The following RNF150 variants were observed in gnomAD, a reference collection of about 807,000 sequenced individuals.
RNF150 encodes the protein ring finger protein 150.
RNF150 carries 24 observed loss-of-function variants against 39.3 expected under a neutral mutation model. The ratio of observed to expected loss-of-function variants is 0.61; its 90% confidence interval spans 0.44 to 0.86. The LOEUF (loss-of-function observed/expected upper bound fraction) is 0.86, where lower values mean the gene tolerates loss of function less well. RNF150 is among the 40% of genes least tolerant of loss of function. The pLI is 0.00. For synonymous variants in RNF150, 255 were observed against 227.3 expected, an observed-to-expected ratio of 1.12 and a Z score of -1.10; for missense variants, 502 against 587.8, an observed-to-expected ratio of 0.85 and a Z score of 1.51.
chr4:141,181,312 C>A (rs1727905001), intron 1 of RNF150, among the ~76,000 whole-genome samples: 1 of 152,080 alleles, frequency 6.6e-6, no homozygotes, highest in Non-Finnish European at 1.5e-5. Context: ...ATAAAGTTAC[C>A]TAATATGTTA....
In RNF150 at chr4:140,985,662, T is replaced by C. The variant is rs1733993999; in HGVS notation, c.485-17789A>G. ...ATGTGCTGAAGTGTAAAATATATAC[T>C]GGAATTTGAAGACCTAGTATAAAAA... On this transcript the variant is annotated intron_variant, in intron 1 of 6. Coordinates refer to ENST00000515673, the MANE Select transcript of RNF150 (RefSeq NM_020724.2). Among the ~76,000 whole-genome samples, 3 of 152,120 alleles carry C rather than the reference T, an allele frequency of 2.0e-5. No homozygotes were observed. In the South Asian group the frequency reaches 6.2e-4, roughly 31 times the overall value.
At chr4:140,880,699 T>C (rs1416063689) in intron 6 of RNF150, among the ~76,000 whole-genome samples, 1 of 152,072 alleles carries the variant, frequency 6.6e-6, no homozygotes, top group East Asian at 1.9e-4. Flanking sequence ...TTATTACTGG[T>C]TCAATCACCT....
chr4:140,994,254 G>T (rs1257782574), intron 1 of RNF150, among the ~76,000 whole-genome samples: 11 of 152,174 alleles, frequency 7.2e-5, no homozygotes, highest in Non-Finnish European at 1.5e-4. Flanking sequence ...AGAGGGTAAA[G>T]TGTAGAAAGC....
At chr4:141,163,474 T>A (rs920584371) in intron 1 of RNF150, among the ~76,000 whole-genome samples, 1 of 152,210 alleles carries the variant, frequency 6.6e-6, no homozygotes, top group African/African-American at 2.4e-5. Flanking sequence ...ACTGCCTCCT[T>A]AACTGGGTCT....
At chr4:140,996,005 T>C (rs190562133) in intron 1 of RNF150, among the ~76,000 whole-genome samples, 1 of 152,280 alleles carries the variant, frequency 6.6e-6, no homozygotes, top group East Asian at 1.9e-4. Flanking sequence ...GCAATGGGAT[T>C]GCTGGATCAT....
chr4:140,988,696 A>C (rs1415017448), intron 1 of RNF150, among the ~76,000 whole-genome samples: 1 of 150,158 alleles, frequency 6.7e-6, no homozygotes, highest in Admixed American at 6.7e-5. Flanking sequence ...ATAAAGGCAC[A>C]TGCACATGTA....
intron 6 of RNF150, among the ~76,000 whole-genome samples, chr4:140,896,699 A>AAC (rs386401700): frequency 2.3e-4 from 10 of 44,390 alleles, no homozygotes; most frequent in Non-Finnish European, 6.0e-4. Flanking sequence ...AAAAAAAAAA[A>AAC]ACAAAAAAAC....
At position 141,132,377 on chromosome 4, in the gene RNF150, G is replaced by A. The variant is rs1726918264; in HGVS notation, c.432C>T (p.Val144=). Residue 144 remains valine, a synonymous_variant, in exon 1 of 7, where the codon GTC becomes GTT. Coordinates refer to ENST00000515673, the MANE Select transcript of RNF150 (RefSeq NM_020724.2). This position sits in a 1 kb window ranked among gnomAD's most constrained non-coding sequence, Gnocchi z 4.9. ...NAFLQNASAV[V]IFNVGSNTNE... The stretch of plus-strand genomic sequence containing the variant: ...TGGTGTTGGAGCCCACGTTGAAGAT[G>A]ACCACGGCTGAGGCGTTCTGCAGGA... 1 of 1,599,698 alleles carries A rather than the reference G, an allele frequency of 6.3e-7. No individual in the cohort carries two copies. The highest frequency in any genetic ancestry group is 1.3e-5 in the African/African-American group (1 of 74,924).
intron 1 of RNF150, among the ~76,000 whole-genome samples, chr4:141,207,035 G>T (rs868414049): frequency 2.0e-5 from 3 of 152,004 alleles, no homozygotes; most frequent in African/African-American, 7.3e-5. Flanking sequence ...ACCTTCTTCT[G>T]TCTGCTTTGT....
chr4:140,890,272 C>T (rs187411217), intron 6 of RNF150, among the ~76,000 whole-genome samples: 3 of 152,180 alleles, frequency 2.0e-5, no homozygotes, highest in African/African-American at 2.4e-5. Context: ...AGATTTAATT[C>T]GTTATGTATT....
intron 1 of RNF150, among the ~76,000 whole-genome samples, chr4:140,997,946 T>C (rs1734443473): frequency 6.6e-6 from 1 of 152,202 alleles, no homozygotes; most frequent in South Asian, 2.1e-4. Flanking sequence ...GTATATACTT[T>C]TGAATTCCAT....
At position 141,174,398 on chromosome 4, in the gene RNF150, A is replaced by G. The variant is rs1173679874; in HGVS notation, c.-6+38396T>C. On this transcript the variant is annotated intron_variant, in intron 1 of 7. Coordinates refer to the RNF150 transcript ENST00000420921. ...CCAAGTGTTAATACCATGGAGTGCC[A>G]TACTAGCTCTGGTTCACTTTCCTCT... is the stretch of plus-strand genomic sequence containing the variant. Among the ~76,000 whole-genome samples, 4 of 152,178 alleles carry G rather than the reference A, an allele frequency of 2.6e-5. No homozygotes were observed. The South Asian group carries it at 6.2e-4, about 24-fold the overall frequency.
At chr4:141,200,364 A>T (rs145769347) in intron 1 of RNF150, among the ~76,000 whole-genome samples, 47 of 152,080 alleles carry the variant, frequency 3.1e-4, no homozygotes, top group African/African-American at 1.1e-3. Context: ...ACCTCCTAAT[A>T]CTATCACATC....
intron 1 of RNF150, among the ~76,000 whole-genome samples, chr4:141,189,270 G>A (rs1002156839): frequency 1.3e-5 from 2 of 152,176 alleles, no homozygotes; most frequent in Non-Finnish European, 2.9e-5. Context: ...TCCTCTGGAA[G>A]CTTCATCCCA....
chr4:141,000,692 A>G lies in RNF150; in HGVS notation c.485-32819T>C, dbSNP rs941260704. On this transcript the variant is annotated intron_variant, in intron 1 of 6. Coordinates refer to ENST00000515673, the MANE Select transcript of RNF150 (RefSeq NM_020724.2). ...TTGTTCTTGGCACACACTTAGGTCA[A>G]AGCAGAGGTAATGGGATTCGTTATA... Among the ~76,000 whole-genome samples the G allele has an allele frequency of 5.9e-5, 9 of 152,236 alleles. No homozygotes were observed. The East Asian group carries it at 1.3e-3, about 23-fold the overall frequency.
chr4:140,965,545 C>T (rs1220843064), intron 2 of RNF150, among the ~76,000 whole-genome samples: 1 of 152,094 alleles, frequency 6.6e-6, no homozygotes, highest in African/African-American at 2.4e-5. Flanking sequence ...TATATACATA[C>T]ACACATACAA....
At chr4:141,091,786 CAT>C (rs1738592041) in intron 1 of RNF150, among the ~76,000 whole-genome samples, 1 of 152,136 alleles carries the variant, frequency 6.6e-6, no homozygotes, top group Non-Finnish European at 1.5e-5. Context: ...CCCACTGACT[CAT>C]ATGAAACAAG....
chr4:140,873,953 A>C (rs1225715241), intron 6 of RNF150, among the ~76,000 whole-genome samples: 1 of 152,154 alleles, frequency 6.6e-6, no homozygotes, highest in Non-Finnish European at 1.5e-5. Flanking sequence ...GGCATGAGCC[A>C]CCATGCCCGG....
intron 1 of RNF150, among the ~76,000 whole-genome samples, chr4:140,991,631 T>C (rs1398017552): frequency 6.6e-6 from 1 of 152,206 alleles, no homozygotes; most frequent in Non-Finnish European, 1.5e-5. Context: ...ACACTGAATG[T>C]CAAGACTTCA....
Sources: gnomAD v4.1 joint callset for allele counts (sites outside exome capture counted in the v4.1 genomes callset) on GRCh38, gnomAD v4.1.1 for gene constraint, Gnocchi (gnomAD v3.1) non-coding constraint, MANE v1.5 for transcripts, NCBI Gene and HGNC (gene_info 2026-07-23, HGNC 2026-07-21) for gene names.